The following TONSL variants were observed in gnomAD, a reference collection of about 807,000 sequenced individuals.
The protein encoded by TONSL is tonsoku-like protein.
Under a neutral mutation model 147.1 loss-of-function variants are expected in TONSL, and 112 were observed. That is an observed-to-expected ratio of 0.76 (90% CI 0.65 to 0.89). The LOEUF (loss-of-function observed/expected upper bound fraction) is 0.89, where lower values mean the gene tolerates loss of function less well. Ranked by LOEUF, TONSL falls within the 40% of genes least tolerant of loss-of-function variation. The probability of loss-of-function intolerance (pLI) is 0.00; values close to 1 mark genes in which losing one functional copy is unlikely to be tolerated. For missense variants in TONSL, 1,883 were observed against 1,864.6 expected, an observed-to-expected ratio of 1.01 and a Z score of -0.18; for synonymous variants, 868 against 801.5, an observed-to-expected ratio of 1.08 and a Z score of -1.40.
chr8:144,444,018 T>G lies in TONSL; in HGVS notation c.128A>C (p.Tyr43Ser). The G allele has an allele frequency of 1.3e-6, 2 of 1,536,484 alleles. No homozygotes were observed. The highest frequency in any genetic ancestry group is 1.7e-6 in the Non-Finnish European group (2 of 1,146,060). ...LGELLAGHGR[Y>S]AEALEQHWQE... The stretch of plus-strand genomic sequence containing the variant: ...CCAGTGCTGCTCCAGAGCCTCGGCG[T>G]AGCGGCCTAGGCGGGGGCACAGCAC... Residue 43 changes from tyrosine to serine, a missense_variant, in exon 3 of 26, where the codon TAC (tyrosine) becomes TCC (serine). Tyr to Ser is a moderately radical substitution (Grantham distance 144). Transcript: ENST00000409379.
rs556857006 is a variant in TONSL at position 144,435,956 on chromosome 8, G to A, written c.2477C>T (p.Pro826Leu). The A allele has an allele frequency of 1.9e-5, 30 of 1,561,646 alleles. No homozygotes were observed. Among genetic ancestry groups the A allele is most frequent in the East Asian group, 2.3e-5 (1 of 44,088 alleles). The change falls in exon 17 of 26, where the codon CCG becomes CTG. Residue 826 changes from proline (P) to leucine (L), a missense_variant. Pro to Leu is a moderately conservative substitution (Grantham distance 98, BLOSUM62 -3). Coordinates refer to ENST00000409379, the MANE Select transcript of TONSL (RefSeq NM_013432.5). ...GTCCCCGGCCAGGCACTCCTCCTCC[G>A]GGATGAGCGCTGCCTGGGGGGCAAG... ...KALAPQAALI[P>L]EEECLAGDWL...
In TONSL at chr8:144,436,052, G is replaced by A. The variant is rs1823441036; in HGVS notation, c.2381C>T (p.Ala794Val). The A allele has an allele frequency of 6.4e-7, 1 of 1,573,844 alleles. No homozygotes were observed. The highest frequency in any genetic ancestry group is 1.8e-5 in the Admixed American group (1 of 56,450). The change falls in exon 17 of 26, where the codon GCA becomes GTA. Residue 794 changes from alanine to valine, a missense_variant. Physicochemically the swap from Ala to Val is moderately conservative, Grantham distance 64 (BLOSUM62 0). Coordinates refer to ENST00000409379, the MANE Select transcript of TONSL (RefSeq NM_013432.5). The part of the protein sequence containing the change: ...TASTSRAAYQ[A>V]AIRGVGSAQS... ...AGCACTGCCCACACCCCGGATGGCT[G>A]CCTGGTAGGCTGCCCGGCTGGTGCT...
rs868966822 is a variant in TONSL, at chr8:144,432,390, C to T, written c.3630G>A (p.Leu1210=). The T allele has an allele frequency of 2.5e-6, 4 of 1,610,678 alleles. No individual in the cohort carries two copies. Among genetic ancestry groups the T allele is most frequent in the Non-Finnish European group, 2.5e-6 (3 of 1,178,744 alleles). ...ALGAPALART[L]QSLPAGTLLH... is the part of the protein sequence containing the mutation. ...GGAGGGTGCCGGCGGGCAGGCTCTG[C>T]AGGGTCCTGGCCAGGGCAGGGGCTC... The change falls in exon 23 of 26, where the codon CTG becomes CTA. Residue 1210 remains leucine, a synonymous_variant. Coordinates refer to ENST00000409379, the MANE Select transcript of TONSL (RefSeq NM_013432.5).
chr8:144,441,271 G>T, intron 7 of TONSL, 160 bp from the exon 8 acceptor site: 1 of 1,044,186 alleles, frequency 9.6e-7, no homozygotes, highest in South Asian at 1.7e-5. Context: ...TTGGGGACTG[G>T]TCTCAAGGGT....
At chr8:144,437,581 C>T (rs556725592) in intron 13 of TONSL, 22 of 156,324 alleles carry the variant, frequency 1.4e-4, no homozygotes, top group Admixed American at 6.7e-4. Context: ...TATGAACCAC[C>T]GCGCCCAGCC....
chr8:144,431,627 G>A (rs1366864870), intron 23 of TONSL, among the ~76,000 whole-genome samples: 1 of 149,646 alleles, frequency 6.7e-6, no homozygotes, highest in Non-Finnish European at 1.5e-5. Flanking sequence ...CTGTTCTCCT[G>A]CCTGTCTCCC....
chr8:144,430,483 C>A lies in TONSL; in HGVS notation c.3864G>T (p.Glu1288Asp), dbSNP rs1554878398. The part of the protein sequence containing the change: ...LISLDLSANP[E>D]ISCASLEELL... The stretch of plus-strand genomic sequence containing the variant: ...GCTCTTCCAAGCTGGCACAGCTGAT[C>A]TCAGGGTTGGCAGACAGATCCAGTG... Residue 1288 changes from glutamate to aspartate, a missense_variant, in exon 25 of 26, where the codon GAG becomes GAT. Physicochemically the swap from Glu to Asp is conservative, Grantham distance 45. Transcript: ENST00000409379. The A allele has an allele frequency of 6.2e-7, 1 of 1,613,602 alleles. No individual in the cohort carries two copies. The highest frequency in any genetic ancestry group is 1.7e-5 in the Admixed American group (1 of 59,982).
intron 7 of TONSL, 73 bp downstream of exon 7, chr8:144,441,964 C>A: frequency 7.4e-7 from 1 of 1,349,606 alleles, no homozygotes; most frequent in South Asian, 1.2e-5. Context: ...ACACACCTGG[C>A]GGGACTCCAC....
rs114395770 is a variant in TONSL, at chr8:144,432,147, C to T, written c.3735+138G>A. On this transcript the variant is annotated intron_variant, in intron 23 of 25. Transcript: ENST00000409379. ...GGCCCCCCAGCTGTTTTTTCTAAAC[C>T]TCCAAACCTCTAACTCTCTCTGTAG... The T allele has an allele frequency of 4.6e-3, 4,701 of 1,021,010 alleles. 150 individuals are homozygous for T. In the African/African-American group the frequency reaches 0.067, roughly 15 times the overall value. The allele number at this position is 1,021,010 out of a possible 1,614,324, so 63.2% of individuals were successfully genotyped here.
At position 144,435,708 on chromosome 8, in the gene TONSL, G is replaced by A; in HGVS notation, c.2725C>T (p.Pro909Ser). ...TCCCCACTGGGCTCTGAGACCCTGG[G>A]GGTGCTGGGGCTCCCTGGAGGTTCT... ...ASEPPGSPST[P>S]RVSEPSGDSS... The change falls in exon 17 of 26, where the codon CCC (proline) becomes TCC (serine). Residue 909 changes from proline (P) to serine (S), a missense_variant. Coordinates refer to ENST00000409379, the MANE Select transcript of TONSL (RefSeq NM_013432.5). The A allele has an allele frequency of 6.2e-7, 1 of 1,611,880 alleles. No individual in the cohort carries two copies. The highest frequency in any genetic ancestry group is 1.1e-5 in the South Asian group (1 of 91,078).
At chr8:144,444,144 C>G (rs1311362039) in intron 2 of TONSL, 36 bp downstream of exon 2, 10 of 1,371,968 alleles carry the variant, frequency 7.3e-6, no homozygotes, top group East Asian at 6.2e-5. Context: ...GCCCGGGCCC[C>G]GGCCCTGCCT....
intron 25 of TONSL, among the ~76,000 whole-genome samples, 188 bp from the exon 26 acceptor site, chr8:144,429,524 G>C (rs1044847473): frequency 6.6e-6 from 1 of 152,204 alleles, no homozygotes; most frequent in African/African-American, 2.4e-5. Flanking sequence ...CACAGCCAGC[G>C]GTCAGACAGG....
chr8:144,436,700 G>A lies in TONSL; in HGVS notation c.1891-19C>T. ...TGAGGCCCTGTGTGGCATCAGTTGAGCAGGGGCACAGCAGCCCCCATAACC... is the reference window on the plus strand; with the variant it reads ...TGAGGCCCTGTGTGGCATCAGTTGAACAGGGGCACAGCAGCCCCCATAACC... On this transcript the variant is annotated intron_variant, in intron 15 of 25. Transcript: ENST00000409379. The A allele has an allele frequency of 1.2e-6, 2 of 1,611,726 alleles. No homozygotes were observed. Among genetic ancestry groups the A allele is most frequent in the East Asian group, 2.2e-5 (1 of 44,876 alleles).
intron 11 of TONSL, 134 bp from the exon 12 acceptor site, chr8:144,438,869 G>A: frequency 1.2e-6 from 1 of 848,946 alleles, no homozygotes; most frequent in Non-Finnish European, 1.9e-6. Context: ...TGAGGCTGCT[G>A]GGCTCTGGGG....
At chr8:144,442,876 T>C (rs1393467503) in intron 4 of TONSL, 70 bp from the exon 5 acceptor site, 1 of 1,544,656 alleles carries the variant, frequency 6.5e-7, no homozygotes, top group Non-Finnish European at 8.7e-7. Flanking sequence ...GGGCCCCATT[T>C]GGGGCCTGTG....
intron 9 of TONSL, 68 bp from the exon 10 acceptor site, chr8:144,440,544 T>G (rs1275027940): frequency 3.3e-6 from 5 of 1,535,602 alleles, no homozygotes; most frequent in Non-Finnish European, 4.4e-6. Flanking sequence ...CAGTCAAGCT[T>G]CCCCGGCTGC....
At position 144,440,042 on chromosome 8, in the gene TONSL, C is replaced by G; in HGVS notation, c.1459G>C (p.Glu487Gln). The G allele has an allele frequency of 7.0e-7, 1 of 1,419,700 alleles. No homozygotes were observed. The highest frequency in any genetic ancestry group is 1.1e-5 in the South Asian group (1 of 87,130). The allele number at this position is 1,419,700 out of a possible 1,614,324, so 87.9% of individuals were successfully genotyped here. Residue 487 changes from glutamate (E) to glutamine (Q), a missense_variant, in exon 11 of 26, where the codon GAG (glutamate) becomes CAG (glutamine). By Grantham distance (29) the Glu-to-Gln change is conservative (BLOSUM62 2). Transcript: ENST00000409379. ...TCACCGCCCTCTGAGAGCTCCACCTCGCCGGCCTCCAGGGCTTCGCTCTCC... is the reference window on the plus strand; with the variant it reads ...TCACCGCCCTCTGAGAGCTCCACCTGGCCGGCCTCCAGGGCTTCGCTCTCC... ...TAESEALEAG[E>Q]VELSEGEDDT...
At chr8:144,440,309 G>A (rs763642004) in intron 10 of TONSL, 42 bp downstream of exon 10, 1 of 1,563,098 alleles carries the variant, frequency 6.4e-7, no homozygotes, top group Admixed American at 1.8e-5. Context: ...AACGAAGCTG[G>A]GCTCACCGGG....
At chr8:144,431,725 G>A (rs1315058649) in intron 23 of TONSL, among the ~76,000 whole-genome samples, 1 of 152,028 alleles carries the variant, frequency 6.6e-6, no homozygotes, top group Admixed American at 6.6e-5. Flanking sequence ...ATGTTAGCCA[G>A]GATGGTCTTG....
Sources: gnomAD v4.1 joint callset for allele counts (sites outside exome capture counted in the v4.1 genomes callset) on GRCh38, gnomAD v4.1.1 for gene constraint, MANE v1.5 for transcripts, NCBI Gene and HGNC (gene_info 2026-07-23, HGNC 2026-07-21) for gene names.